Variants in STIMATE observed in about 807,000 individuals in gnomAD.
STIMATE encodes store-operated calcium entry regulator STIMATE.
A neutral mutation model predicts 36.7 loss-of-function variants in STIMATE; 15 were observed. The ratio of observed to expected loss-of-function variants is 0.41; its 90% confidence interval spans 0.27 to 0.63. The LOEUF (loss-of-function observed/expected upper bound fraction) is 0.63. Among genes scored for constraint, STIMATE ranks in the 20% least tolerant of loss-of-function variants. The pLI, the probability that STIMATE is intolerant of heterozygous loss-of-function variation, is 0.32. For missense variants in STIMATE, 305 were observed against 397.3 expected, an observed-to-expected ratio of 0.77 and a Z score of 1.98; for synonymous variants, 163 against 162.3, an observed-to-expected ratio of 1.00 and a Z score of -0.03.
intron 1 of STIMATE, among the ~76,000 whole-genome samples, chr3:52,872,728 T>G (rs766419641): frequency 6.6e-6 from 1 of 152,156 alleles, no homozygotes; most frequent in Non-Finnish European, 1.5e-5. Context: ...CGGGTTCAAG[T>G]GATTCTCCTA....
chr3:52,875,734 T>G (rs568066932), intron 1 of STIMATE, among the ~76,000 whole-genome samples: 1 of 152,324 alleles, frequency 6.6e-6, no homozygotes, highest in East Asian at 1.9e-4. Context: ...TCACTCAACT[T>G]ACTAGGATAA....
chr3:52,844,115 G>A (rs1315428207), intron 5 of STIMATE, among the ~76,000 whole-genome samples: 1 of 152,168 alleles, frequency 6.6e-6, no homozygotes, highest in African/African-American at 2.4e-5. Flanking sequence ...GCTTCAGGGG[G>A]CTGGAGGGGT....
At chr3:52,867,012 G>A (rs1346736778) in intron 1 of STIMATE, among the ~76,000 whole-genome samples, 3 of 152,198 alleles carry the variant, frequency 2.0e-5, no homozygotes, top group Admixed American at 6.5e-5. Flanking sequence ...CAGGGAAGCC[G>A]GGGTCTCCCG....
chr3:52,863,385 A>G (rs1396267100), intron 1 of STIMATE, among the ~76,000 whole-genome samples: 1 of 152,168 alleles, frequency 6.6e-6, no homozygotes, highest in African/African-American at 2.4e-5. Context: ...AGATCTTGTG[A>G]GACTTATTCA....
chr3:52,847,211 C>T (rs1700923306), intron 4 of STIMATE: 11 of 1,126,646 alleles, frequency 9.8e-6, no homozygotes, highest in Non-Finnish European at 1.2e-5. Flanking sequence ...TGCACCTGGA[C>T]CTTGTGTGTC....
intron 2 of STIMATE, among the ~76,000 whole-genome samples, chr3:52,854,725 C>T (rs1301278326): frequency 6.6e-6 from 1 of 152,144 alleles, no homozygotes; most frequent in Non-Finnish European, 1.5e-5. Flanking sequence ...AATGTGGATA[C>T]CCTGAGGACC....
At chr3:52,881,680 C>A (rs547787961) in intron 1 of STIMATE, among the ~76,000 whole-genome samples, 2 of 151,904 alleles carry the variant, frequency 1.3e-5, no homozygotes, top group Non-Finnish European at 2.9e-5. Context: ...CCAGCCCGGG[C>A]GACAGAGTGA....
chr3:52,851,483 C>T (rs1029567033), intron 3 of STIMATE, among the ~76,000 whole-genome samples: 4 of 152,222 alleles, frequency 2.6e-5, no homozygotes, highest in Non-Finnish European at 4.4e-5. Context: ...TGCCAGAGGG[C>T]GCAGCCTGTG....
rs140959991 is a variant in STIMATE at position 52,851,854 on chromosome 3, C to T, written c.305+749G>A. ...ACAGACAGCAAAGCATCATGTGGGC[C>T]CTGGAAGCCAGACTGGCTGGGCTCC... On this transcript the variant is annotated intron_variant, in intron 3 of 7. Coordinates refer to ENST00000355083, the MANE Select transcript of STIMATE (RefSeq NM_198563.5). Among the ~76,000 whole-genome samples the T allele has an allele frequency of 4.2e-3, 634 of 152,280 alleles. 5 individuals are homozygous for T. Among genetic ancestry groups the T allele is most frequent in the African/African-American group, 0.015 (606 of 41,564 alleles).
Position 52,849,920 on chromosome 3 carries a change from G to A in STIMATE, c.306-7C>T, listed in dbSNP as rs776149865. On this transcript the variant is annotated splice_polypyrimidine_tract_variant and splice_region_variant and intron_variant, in intron 3 of 7. Coordinates refer to ENST00000355083, the MANE Select transcript of STIMATE (RefSeq NM_198563.5). ...GAGGAAGTTGATGAGGTACCTGTGA[G>A]GACAGGGCACATGCATGGTCACGGC... 8 of 1,612,794 alleles carry A rather than the reference G, an allele frequency of 5.0e-6. No homozygotes were observed. Among genetic ancestry groups the A allele is most frequent in the South Asian group, 1.1e-5 (1 of 90,948 alleles).
intron 1 of STIMATE, among the ~76,000 whole-genome samples, chr3:52,856,490 G>A (rs1701098699): frequency 1.1e-5 from 1 of 95,080 alleles, no homozygotes; most frequent in Non-Finnish European, 2.5e-5. Flanking sequence ...AGACCAGCCT[G>A]GGTAACAGAG....
intron 1 of STIMATE, among the ~76,000 whole-genome samples, chr3:52,878,895 G>A (rs1035754609): frequency 6.6e-6 from 1 of 152,176 alleles, no homozygotes. Flanking sequence ...CATGGCAGAT[G>A]AGCAGTCTAC....
rs530034902 is a variant in STIMATE, at chr3:52,861,024, C to G, written c.161-5580G>C. ...CAGGCAGGGTCCTAGGACCACAGAC[C>G]TTTCTTCATTAGTGGTGCTTTGCAG... On this transcript the variant is annotated intron_variant, in intron 1 of 7. Transcript: ENST00000355083. Among the ~76,000 whole-genome samples the G allele has an allele frequency of 1.4e-4, 22 of 152,316 alleles. No individual in the cohort carries two copies. The South Asian group carries it at 4.4e-3, about 30-fold the overall frequency.
At chr3:52,886,400 G>C (rs1271797315) in intron 1 of STIMATE, among the ~76,000 whole-genome samples, 1 of 152,216 alleles carries the variant, frequency 6.6e-6, no homozygotes, top group Admixed American at 6.5e-5. Flanking sequence ...CACATCCTTA[G>C]ACAGGGGCCT....
chr3:52,868,147 C>T (rs887463561), intron 1 of STIMATE, among the ~76,000 whole-genome samples: 37 of 152,204 alleles, frequency 2.4e-4, no homozygotes, highest in African/African-American at 8.4e-4. Context: ...TCCTCAATGC[C>T]CTGTAGTAGG....
chr3:52,883,933 T>G (rs1701650044), intron 1 of STIMATE, among the ~76,000 whole-genome samples: 1 of 152,224 alleles, frequency 6.6e-6, no homozygotes, highest in Non-Finnish European at 1.5e-5. Flanking sequence ...AGGCCACAAT[T>G]TCCTGCTTCT....
At chr3:52,883,583 T>C (rs368017404) in intron 1 of STIMATE, among the ~76,000 whole-genome samples, 28 of 152,348 alleles carry the variant, frequency 1.8e-4, no homozygotes, top group African/African-American at 5.5e-4. Flanking sequence ...CGTTAGACCT[T>C]TGATATTTTC....
chr3:52,879,606 G>GGAGA (rs1385096594), intron 1 of STIMATE, among the ~76,000 whole-genome samples: 1 of 152,148 alleles, frequency 6.6e-6, no homozygotes, highest in East Asian at 1.9e-4. Flanking sequence ...GTGAGGAAAG[G>GGAGA]GAGAGTCTCA....
intron 2 of STIMATE, among the ~76,000 whole-genome samples, chr3:52,853,561 C>T (rs1308640254): frequency 2.6e-5 from 4 of 152,114 alleles, no homozygotes; most frequent in Admixed American, 2.0e-4. Context: ...AACCCAGCGA[C>T]GGTGGCTGGA....
Sources: allele counts gnomAD v4.1 joint callset (sites outside exome capture counted in the v4.1 genomes callset), GRCh38; gene constraint gnomAD v4.1.1; transcripts MANE v1.5; gene names NCBI Gene and HGNC (gene_info 2026-07-23, HGNC 2026-07-21).